INPP5E: variants seen among roughly 807,000 people sequenced by gnomAD.
INPP5E encodes the protein inositol polyphosphate-5-phosphatase E, also known as phosphatidylinositol polyphosphate 5-phosphatase type IV.
Under a neutral mutation model 50.5 loss-of-function variants are expected in INPP5E, and 34 were observed. The ratio of observed to expected loss-of-function variants is 0.67; its 90% CI spans 0.51 to 0.90. The LOEUF is 0.90. INPP5E is among the 40% of genes least tolerant of loss of function. INPP5E has a pLI of 0.00. For synonymous variants in INPP5E, 447 were observed against 406.0 expected (o/e 1.10, Z -1.21); for missense variants, 942 against 905.5 (o/e 1.04, Z -0.52).
chr9:136,430,507 C>CA, intron 8 of INPP5E, 94 bp from the exon 9 acceptor site: 2 of 1,453,966 alleles, frequency 1.4e-6, no homozygotes, highest in Non-Finnish European at 1.9e-6. Flanking sequence ...AAGCGCCCCC[C>CA]ACAAGGAAGC....
rs1186646391 is a variant in INPP5E, at chr9:136,434,122, T to C, written c.949A>G (p.Ser317Gly). ...NMQGQKELPP[S>G]LDEFLLPAEA... ...GCTGGGAGCAGGAACTCGTCCAGGC[T>C]GGGCGGGAGCTCCTGGAAGGAGGGA... The change falls in exon 3 of 10, where the codon AGC (serine) becomes GGC (glycine). Residue 317 changes from serine to glycine, a missense_variant. Coordinates refer to ENST00000371712, the MANE Select transcript of INPP5E (RefSeq NM_019892.6). 3.1e-6 allele frequency: 5 copies of C among 1,608,092 alleles called. No homozygotes were observed. The highest frequency in any genetic ancestry group is 1.7e-4 in the Middle Eastern group (1 of 6,054).
chr9:136,438,478 G>C, intron 1 of INPP5E, 130 bp downstream of exon 1: 1 of 842,854 alleles, frequency 1.2e-6, no homozygotes, highest in South Asian at 1.5e-5. Context: ...GGTGGCTGCG[G>C]GAGACCCGCT....
intron 1 of INPP5E, chr9:136,437,211 G>T (rs570202923): frequency 1.3e-5 from 2 of 152,262 alleles, no homozygotes; most frequent in Non-Finnish European, 2.9e-5. Flanking sequence ...CACCACAGAC[G>T]CGGGGAAGTG....
chr9:136,432,540 A>T lies in INPP5E; in HGVS notation c.1326T>A (p.Thr442=). The change falls in exon 6 of 10, where the codon ACT becomes ACA. Residue 442 remains threonine, a synonymous_variant. Transcript: ENST00000371712. ...VAERLLDYTR[T]VQALVLPRNV... ...TTCTGGGCAGGACCAGGGCTTGTAC[A>T]GTCCTGGTGTAGTCCAGCAGCCGCT... 19 of 1,551,240 alleles carry T rather than the reference A, an allele frequency of 1.2e-5. No homozygotes were observed. The highest frequency in any genetic ancestry group is 1.7e-5 in the Non-Finnish European group (19 of 1,147,192).
rs117758678 is a variant in INPP5E at position 136,432,343 on chromosome 9, C to T, written c.1387+136G>A. 2.8e-4 allele frequency: 202 copies of T among 711,664 alleles called. No homozygotes were observed. In the East Asian group the frequency reaches 3.1e-3, roughly 11 times the overall value. The allele number at this position is 711,664 out of a possible 1,614,324, so 44.1% of individuals were successfully genotyped here. Reference sequence around the variant, plus strand: ...TGCTAAAGAACCGCGAGGGGCCATGCGCTGGGGGCACTGGACGTTTCGGCC... The same window carrying T: ...TGCTAAAGAACCGCGAGGGGCCATGTGCTGGGGGCACTGGACGTTTCGGCC... On this transcript the variant is annotated intron_variant, in intron 6 of 9. Transcript: ENST00000371712.
chr9:136,431,151 C>A, intron 7 of INPP5E, 34 bp from the exon 8 acceptor site: 1 of 1,393,536 alleles, frequency 7.2e-7, no homozygotes, highest in South Asian at 1.2e-5. Context: ...CTGGCTCAGA[C>A]CAGCTTGTGC....
chr9:136,430,539 A>G (rs1183952030), intron 8 of INPP5E, 126 bp from the exon 9 acceptor site: 3 of 1,180,458 alleles, frequency 2.5e-6, no homozygotes, highest in Non-Finnish European at 2.4e-6. Context: ...CCTGACACTC[A>G]TGCCCATTTT....
chr9:136,434,660 G>C (rs945290171), intron 2 of INPP5E, 80 bp downstream of exon 2: 109 of 1,533,012 alleles, frequency 7.1e-5, no homozygotes, highest in Admixed American at 1.2e-4. Context: ...ATGAGGCACA[G>C]AGCTGCCCCG....
intron 9 of INPP5E, 143 bp downstream of exon 9, chr9:136,430,134 C>T: frequency 8.8e-7 from 1 of 1,131,640 alleles, no homozygotes; most frequent in East Asian, 2.6e-5. Context: ...AGGATGAGTC[C>T]AACCGATCCC....
chr9:136,429,580 A>C lies in INPP5E; in HGVS notation c.*95T>G. On this transcript the variant is annotated 3_prime_UTR_variant, in exon 10 of 10. Transcript: ENST00000371712. ...AGGCACGGTCGCCACAGTCCCTCGGATCCCCGAAAGGCGGCAAACTCTTTG... is the reference window on the plus strand; with the variant it reads ...AGGCACGGTCGCCACAGTCCCTCGGCTCCCCGAAAGGCGGCAAACTCTTTG... The C allele has an allele frequency of 6.6e-7, 1 of 1,526,428 alleles. No individual in the cohort carries two copies. The highest frequency in any genetic ancestry group is 2.2e-5 in the East Asian group (1 of 44,504). 94.6% of individuals were successfully genotyped at this position (1,526,428 alleles called of 1,614,324 possible). A position where few individuals can be genotyped will look rare whatever the true frequency, so the allele number is the denominator to read the frequency against.
Position 136,429,593 on chromosome 9 carries a change from G to T in INPP5E, c.*82C>A. On this transcript the variant is annotated 3_prime_UTR_variant, in exon 10 of 10. Coordinates refer to ENST00000371712, the MANE Select transcript of INPP5E (RefSeq NM_019892.6). ...ACAGTCCCTCGGATCCCCGAAAGGCGGCAAACTCTTTGTCCTTCCCAGTGG... is the reference window on the plus strand; with the variant it reads ...ACAGTCCCTCGGATCCCCGAAAGGCTGCAAACTCTTTGTCCTTCCCAGTGG... The T allele has an allele frequency of 6.4e-7, 1 of 1,572,958 alleles. No individual in the cohort carries two copies. The highest frequency in any genetic ancestry group is 8.7e-7 in the Non-Finnish European group (1 of 1,151,704).
rs755772230 is a variant in INPP5E at position 136,434,060 on chromosome 9, C to T, written c.1011G>A (p.Gly337=). 1.2e-6 allele frequency: 2 copies of T among 1,610,204 alleles called. No individual in the cohort carries two copies. The highest frequency in any genetic ancestry group is 2.2e-5 in the South Asian group (2 of 90,488). Residue 337 remains glycine, a synonymous_variant, in exon 3 of 10, where the codon GGG becomes GGA. Coordinates refer to ENST00000371712, the MANE Select transcript of INPP5E (RefSeq NM_019892.6). ...ACCTGTCAGAACAGCCCTCCTGGAC[C>T]CCGATGACATACAGGTCCTGGGCAT... is the stretch of plus-strand genomic sequence containing the variant. ...ADYAQDLYVI[G]VQEGCSDRRE... is the part of the protein sequence containing the mutation.
At chr9:136,438,215 C>A in intron 1 of INPP5E, 1 of 256,004 alleles carries the variant, frequency 3.9e-6, no homozygotes, top group Non-Finnish European at 7.6e-6. Context: ...GCAGAGGTTG[C>A]AGTGAGCCGG....
chr9:136,432,335 G>T, intron 6 of INPP5E, 144 bp downstream of exon 6: 1 of 701,806 alleles, frequency 1.4e-6, no homozygotes, highest in Non-Finnish European at 2.6e-6. Flanking sequence ...GAACCGCGAG[G>T]GGCCATGCGC....
intron 7 of INPP5E, 70 bp from the exon 8 acceptor site, chr9:136,431,187 C>T: frequency 1.0e-6 from 1 of 954,136 alleles, no homozygotes; most frequent in Non-Finnish European, 1.6e-6. Context: ...AGGCCCTCAC[C>T]TCTCCTCATC....
intron 1 of INPP5E, chr9:136,438,347 G>C: frequency 1.7e-6 from 1 of 583,688 alleles, no homozygotes; most frequent in East Asian, 2.8e-5. Context: ...CGCCAGATAC[G>C]TAATTGTATG....
rs768016672 is a variant in INPP5E, at chr9:136,431,833, T to C, written c.1540A>G (p.Met514Val). The C allele has an allele frequency of 6.5e-7, 1 of 1,546,532 alleles. No individual in the cohort carries two copies. The highest frequency in any genetic ancestry group is 8.7e-7 in the Non-Finnish European group (1 of 1,143,340). Residue 514 changes from methionine to valine, a missense_variant, in exon 7 of 10, where the codon ATG (methionine) becomes GTG (valine). Coordinates refer to ENST00000371712, the MANE Select transcript of INPP5E (RefSeq NM_019892.6). ...CCCCCCAGGCCCTCACCTTTCCGCATCTCCCGGATGAGCTGGTCGTGCTGC... is the reference window on the plus strand; with the variant it reads ...CCCCCCAGGCCCTCACCTTTCCGCACCTCCCGGATGAGCTGGTCGTGCTGC... ...LLQHDQLIRE[M>V]RKGSIFKGFQ...
Position 136,429,840 on chromosome 9 carries a change from C to T in INPP5E, c.1803-33G>A, listed in dbSNP as rs78191714. On this transcript the variant is annotated intron_variant, in intron 9 of 9. Coordinates refer to ENST00000371712, the MANE Select transcript of INPP5E (RefSeq NM_019892.6). ...GGAGGAGGGGGCGTTAGGAGGGCAC[C>T]CAGGGCCAGGAGGAGGGGGCGTTAG... The T allele has an allele frequency of 0.021, 33,328 of 1,605,920 alleles. 423 individuals are homozygous for T. The highest frequency in any genetic ancestry group is 0.031 in the Middle Eastern group (166 of 5,426).
Position 136,438,635 on chromosome 9 carries a change from G to C in INPP5E, c.785C>G (p.Pro262Arg), listed in dbSNP as rs1429900148. The C allele has an allele frequency of 1.3e-6, 2 of 1,571,132 alleles. No individual in the cohort carries two copies. The highest frequency in any genetic ancestry group is 3.7e-5 in the Admixed American group (2 of 53,352). Residue 262 changes from proline (P) to arginine (R), a missense_variant, in exon 1 of 10, where the codon CCC (proline) becomes CGC (arginine). By Grantham distance (103) the Pro-to-Arg change is moderately radical. Coordinates refer to ENST00000371712, the MANE Select transcript of INPP5E (RefSeq NM_019892.6). ...GCTGCGGACGTCCTTGCTGCGGATGGGCGCCAGGAGGCTGAAGGAGGATTT... is the reference window on the plus strand; with the variant it reads ...GCTGCGGACGTCCTTGCTGCGGATGCGCGCCAGGAGGCTGAAGGAGGATTT... ...SAKSSFSLLA[P>R]IRSKDVRSRS... is the part of the protein sequence containing the mutation.
Sources: gnomAD v4.1 joint callset for allele counts on GRCh38, gnomAD v4.1.1 for gene constraint, MANE v1.5 for transcripts, NCBI Gene and HGNC (gene_info 2026-07-23, HGNC 2026-07-21) for gene names.